Variants in GALNT13 observed in about 807,000 individuals in gnomAD.
GALNT13 encodes polypeptide N-acetylgalactosaminyltransferase 13, also known as UDP-GalNAc:polypeptide N-acetylgalactosaminyltransferase 13.
A neutral mutation model predicts 64.2 loss-of-function variants in GALNT13; 28 were observed. That is an observed-to-expected ratio of 0.44 (90% CI 0.32 to 0.60). The LOEUF (loss-of-function observed/expected upper bound fraction) is 0.60. Ranked by LOEUF, GALNT13 falls within the 20% of genes least tolerant of loss-of-function variation. GALNT13 has a pLI of 0.05. For missense variants in GALNT13, 577 were observed against 669.8 expected (o/e 0.86, Z 1.53); for synonymous variants, 214 against 224.6 (o/e 0.95, Z 0.42).
intron 1 of GALNT13, among the ~76,000 whole-genome samples, chr2:153,882,966 A>C (rs1001703978): frequency 2.0e-5 from 3 of 150,550 alleles, no homozygotes; most frequent in Non-Finnish European, 3.0e-5. Context: ...CAAGTTAAAG[A>C]AACCAGTAAC....
At chr2:153,766,811 A>G in the GALNT13 span, among the ~76,000 whole-genome samples, 16 of 152,180 alleles carry the variant, frequency 1.1e-4, no homozygotes, top group South Asian at 2.3e-3. Context: ...CTTGAAGCTA[A>G]TTAAACTTCT....
chr2:154,380,165 T>C (rs1466254357), intron 9 of GALNT13, among the ~76,000 whole-genome samples: 2 of 152,060 alleles, frequency 1.3e-5, no homozygotes, highest in African/African-American at 4.8e-5. Flanking sequence ...CCAAATACTT[T>C]GTATATATCA....
the GALNT13 span, among the ~76,000 whole-genome samples, chr2:153,121,080 G>C: frequency 6.6e-6 from 1 of 152,150 alleles, no homozygotes; most frequent in Admixed American, 6.5e-5. Context: ...GGATACTGGG[G>C]TAGAAGAGAA....
chr2:153,567,385 C>T, the GALNT13 span, among the ~76,000 whole-genome samples: 1 of 152,284 alleles, frequency 6.6e-6, no homozygotes, highest in East Asian at 1.9e-4. Flanking sequence ...AGTATCTTCC[C>T]AGGTGAGGGG....
intron 3 of GALNT13, among the ~76,000 whole-genome samples, chr2:154,065,315 G>T (rs1288660454): frequency 6.6e-6 from 1 of 152,162 alleles, no homozygotes; most frequent in East Asian, 1.9e-4. Flanking sequence ...CCATCCTGGA[G>T]GGAAGGACAC....
chr2:154,154,404 A>G (rs1030654430), intron 4 of GALNT13, among the ~76,000 whole-genome samples: 8 of 152,218 alleles, frequency 5.3e-5, no homozygotes, highest in Non-Finnish European at 1.0e-4. Flanking sequence ...GAGGATGATG[A>G]AGAATCTTAA....
intron 2 of GALNT13, among the ~76,000 whole-genome samples, chr2:153,939,201 C>CAGGA (rs1314000454): frequency 1.3e-5 from 2 of 152,140 alleles, no homozygotes; most frequent in East Asian, 3.9e-4. Flanking sequence ...GACATTTGAG[C>CAGGA]AGGAAGGAAG....
chr2:154,237,518 T>TTA (rs10624007), intron 4 of GALNT13, among the ~76,000 whole-genome samples: 95,459 of 142,676 alleles, frequency 0.67, 32,033 homozygotes, highest in East Asian at 0.81. Flanking sequence ...TCTGCCAGCT[T>TTA]TATATATATA....
intron 8 of GALNT13, among the ~76,000 whole-genome samples, chr2:154,262,345 A>G (rs1559054893): frequency 6.6e-6 from 1 of 152,164 alleles, no homozygotes; most frequent in Non-Finnish European, 1.5e-5. Context: ...AGAAAGAAAG[A>G]CGCTAACATG....
At chr2:153,109,738 G>T in the GALNT13 span, among the ~76,000 whole-genome samples, 1 of 152,068 alleles carries the variant, frequency 6.6e-6, no homozygotes, top group Non-Finnish European at 1.5e-5. Flanking sequence ...GACATTTCCA[G>T]TAAGCCCAAA....
the GALNT13 span, among the ~76,000 whole-genome samples, chr2:153,807,288 CTT>C: frequency 6.6e-6 from 1 of 151,402 alleles, no homozygotes; most frequent in Admixed American, 6.6e-5. Flanking sequence ...TAAATATAAA[CTT>C]GAATAAGGTT....
At chr2:153,148,589 G>A in the GALNT13 span, among the ~76,000 whole-genome samples, 1 of 151,162 alleles carries the variant, frequency 6.6e-6, no homozygotes, top group African/African-American at 2.4e-5. Flanking sequence ...TGTGTAAGGT[G>A]TATTCATTTA....
At chr2:153,439,989 T>A in the GALNT13 span, among the ~76,000 whole-genome samples, 1 of 152,098 alleles carries the variant, frequency 6.6e-6, no homozygotes, top group Admixed American at 6.6e-5. Flanking sequence ...ATACTTTTAG[T>A]TCTGTGCAGG....
At chr2:154,257,586 T>C (rs986765998) in intron 7 of GALNT13, 4 of 152,168 alleles carry the variant, frequency 2.6e-5, no homozygotes, top group Non-Finnish European at 5.9e-5. Context: ...ATACTGTTCA[T>C]GATAGGAACC....
At chr2:153,211,573 C>T in the GALNT13 span, among the ~76,000 whole-genome samples, 1 of 152,296 alleles carries the variant, frequency 6.6e-6, no homozygotes, top group East Asian at 1.9e-4. Flanking sequence ...ACAGTAGAAG[C>T]TAACAGCATC....
intron 3 of GALNT13, among the ~76,000 whole-genome samples, chr2:154,115,023 G>GT (rs1201581155): frequency 6.6e-6 from 1 of 152,142 alleles, no homozygotes; most frequent in Non-Finnish European, 1.5e-5. Context: ...CAATTACAGG[G>GT]TTTTTTAAAG....
the GALNT13 span, among the ~76,000 whole-genome samples, chr2:153,831,312 A>C: frequency 6.6e-6 from 1 of 152,286 alleles, no homozygotes; most frequent in East Asian, 1.9e-4. Flanking sequence ...TAGGGCTCTG[A>C]AAACTACATT....
the GALNT13 span, among the ~76,000 whole-genome samples, chr2:153,791,469 C>T: frequency 1.3e-5 from 2 of 152,138 alleles, no homozygotes; most frequent in African/African-American, 2.4e-5. Context: ...AATGCTTATA[C>T]ATGTTGATTG....
At chr2:153,515,324 C>G in the GALNT13 span, among the ~76,000 whole-genome samples, 1 of 152,182 alleles carries the variant, frequency 6.6e-6, no homozygotes, top group South Asian at 2.1e-4. Context: ...AGCAAATAGT[C>G]CTTTGCCGCT....
Sources: allele counts gnomAD v4.1 joint callset (sites outside exome capture counted in the v4.1 genomes callset), GRCh38; gene constraint gnomAD v4.1.1; transcripts MANE v1.5; gene names NCBI Gene and HGNC (gene_info 2026-07-23, HGNC 2026-07-21).